ZBTB7C: variants seen among roughly 807,000 people sequenced by gnomAD.
The protein encoded by ZBTB7C is zinc finger and BTB domain-containing protein 7C.
Under a neutral mutation model 25.7 loss-of-function variants are expected in ZBTB7C, and 8 were observed. That is an observed-to-expected ratio of 0.31 (90% CI 0.18 to 0.56). The LOEUF is 0.56. Ranked by LOEUF, ZBTB7C falls within the 20% of genes least tolerant of loss-of-function variation. ZBTB7C has a pLI of 0.91. For missense variants in ZBTB7C, 824 were observed against 855.2 expected (o/e 0.96, Z 0.46); for synonymous variants, 394 against 369.0 (o/e 1.07, Z -0.78).
intron 3 of ZBTB7C, among the ~76,000 whole-genome samples, chr18:48,110,522 C>T (rs965249964): frequency 2.1e-4 from 32 of 152,226 alleles, no homozygotes; most frequent in Non-Finnish European, 3.7e-4. Context: ...GGCGGTTCCT[C>T]GCTGTCAGGC....
At chr18:48,405,292 G>A (rs2048254412) in intron 1 of ZBTB7C, among the ~76,000 whole-genome samples, 1 of 151,804 alleles carries the variant, frequency 6.6e-6, no homozygotes, top group Non-Finnish European at 1.5e-5. Context: ...GTCAGGGGAG[G>A]AGGCAAAGAG....
chr18:48,092,641 A>G (rs1369865256), intron 3 of ZBTB7C, among the ~76,000 whole-genome samples: 1 of 152,204 alleles, frequency 6.6e-6, no homozygotes, highest in Non-Finnish European at 1.5e-5. Context: ...TCTAGAAACC[A>G]CAGAAGAGTC....
At position 48,029,252 on chromosome 18, in the gene ZBTB7C, G is replaced by C; in HGVS notation, c.*8C>G. The stretch of plus-strand genomic sequence containing the variant: ...AGGGCTGGTGGGCTGGAGCCGACAG[G>C]GACCAGCCTAGTTGTTGGCTTCGGA... On this transcript the variant is annotated 3_prime_UTR_variant, in exon 5 of 5. Coordinates refer to ENST00000590800, the MANE Select transcript of ZBTB7C (RefSeq NM_001318841.2). The C allele has an allele frequency of 6.5e-7, 1 of 1,534,652 alleles. No homozygotes were observed. Among genetic ancestry groups the C allele is most frequent in the Non-Finnish European group, 8.7e-7 (1 of 1,148,386 alleles).
intron 1 of ZBTB7C, among the ~76,000 whole-genome samples, chr18:48,395,235 T>C (rs1013776687): frequency 1.3e-5 from 2 of 151,414 alleles, no homozygotes; most frequent in African/African-American, 2.4e-5. Flanking sequence ...TTTTCATCCA[T>C]GATCTCGTTT....
At chr18:48,166,645 G>C (rs553235423) in intron 3 of ZBTB7C, among the ~76,000 whole-genome samples, 4 of 152,310 alleles carry the variant, frequency 2.6e-5, no homozygotes, top group Admixed American at 2.0e-4. Flanking sequence ...GAAGCAGCAT[G>C]TTAGGGGGCA....
chr18:48,344,232 C>G (rs2046673037), intron 1 of ZBTB7C, among the ~76,000 whole-genome samples: 1 of 152,214 alleles, frequency 6.6e-6, no homozygotes, highest in Non-Finnish European at 1.5e-5. Context: ...GATCCACCCA[C>G]CTCAGCCTCC....
intron 3 of ZBTB7C, among the ~76,000 whole-genome samples, chr18:48,141,840 A>G (rs1049183221): frequency 6.6e-6 from 1 of 152,204 alleles, no homozygotes; most frequent in Non-Finnish European, 1.5e-5. Context: ...TTCCTGTCCA[A>G]TCACAGGCTA....
At chr18:48,371,567 G>C (rs2047388493) in intron 1 of ZBTB7C, among the ~76,000 whole-genome samples, 1 of 152,194 alleles carries the variant, frequency 6.6e-6, no homozygotes, top group African/African-American at 2.4e-5. Context: ...CCTGCCAATG[G>C]GCAGGATAAC....
chr18:48,304,611 G>A (rs12954517), intron 2 of ZBTB7C, among the ~76,000 whole-genome samples: 5,241 of 152,282 alleles, frequency 0.034, 118 homozygotes, highest in Non-Finnish European at 0.052. Flanking sequence ...GGCAGCGGAG[G>A]TTGCAGTGAG....
chr18:48,331,188 T>G (rs2046335408), intron 2 of ZBTB7C, among the ~76,000 whole-genome samples: 1 of 152,184 alleles, frequency 6.6e-6, no homozygotes, highest in Middle Eastern at 3.2e-3. Flanking sequence ...CCCACCTCTG[T>G]GTCTTAGACG....
At chr18:48,167,507 CCTAA>C (rs768907414) in intron 3 of ZBTB7C, among the ~76,000 whole-genome samples, 23 of 151,396 alleles carry the variant, frequency 1.5e-4, no homozygotes, top group Non-Finnish European at 2.6e-4. Flanking sequence ...TCAGCACAGA[CCTAA>C]CACTTGAGTT....
intron 2 of ZBTB7C, among the ~76,000 whole-genome samples, chr18:48,257,642 C>T (rs1180083303): frequency 1.3e-5 from 2 of 151,940 alleles, no homozygotes; most frequent in Admixed American, 6.6e-5. Flanking sequence ...GAACAAGATA[C>T]AGAAATTGTA....
At chr18:48,378,134 G>A (rs947853194) in intron 1 of ZBTB7C, among the ~76,000 whole-genome samples, 45 of 151,888 alleles carry the variant, frequency 3.0e-4, no homozygotes, top group African/African-American at 1.1e-3. Context: ...GTGAAACTCC[G>A]TTTCAAAAAA....
At position 48,225,996 on chromosome 18, in the gene ZBTB7C, G is replaced by A. The variant is rs115742062; in HGVS notation, c.-78-40001C>T. On this transcript the variant is annotated intron_variant, in intron 2 of 4. Transcript: ENST00000590800. ...GACCTCGCGATCCACCCGCTTTGGC[G>A]TCCCAAAGTGCTGGCATTACAGGCA... is the stretch of plus-strand genomic sequence containing the variant. 6.8e-3 allele frequency among the ~76,000 whole-genome samples: 1,030 copies of A among 152,204 alleles called. 13 individuals carry two copies. The highest frequency in any genetic ancestry group is 0.023 in the African/African-American group (973 of 41,514).
Position 48,040,249 on chromosome 18 carries a change from G to C in ZBTB7C, c.859C>G (p.Arg287Gly). ...TCCTTCTCCTCCTCCTTGATCTTCC[G>C]ATTCTTGATGACCAGATCCAGTGGC... ...SGPLDLVIKN[R>G]KIKEEEKEEL... The change falls in exon 4 of 5, where the codon CGG becomes GGG. Residue 287 changes from arginine to glycine, a missense_variant. Arg to Gly is a moderately radical substitution (Grantham distance 125). Transcript: ENST00000590800. 1 of 1,561,860 alleles carries C rather than the reference G, an allele frequency of 6.4e-7. No homozygotes were observed.
chr18:48,237,989 C>T (rs377188329), intron 2 of ZBTB7C, among the ~76,000 whole-genome samples: 7 of 152,132 alleles, frequency 4.6e-5, no homozygotes, highest in East Asian at 1.9e-4. Context: ...AAACATATGA[C>T]CTAAAATAAT....
intron 2 of ZBTB7C, among the ~76,000 whole-genome samples, chr18:48,251,408 T>C (rs1007912981): frequency 2.0e-5 from 3 of 152,166 alleles, no homozygotes; most frequent in African/African-American, 7.2e-5. Context: ...AGAAATGATT[T>C]AGGCAGATAG....
At chr18:48,099,585 G>A (rs552268817) in intron 3 of ZBTB7C, among the ~76,000 whole-genome samples, 2 of 152,356 alleles carry the variant, frequency 1.3e-5, no homozygotes, top group East Asian at 3.9e-4. Flanking sequence ...GCGTGTGAGA[G>A]GTTGCAGGGA....
chr18:48,211,135 T>C (rs986475533), intron 2 of ZBTB7C, among the ~76,000 whole-genome samples: 25 of 152,264 alleles, frequency 1.6e-4, no homozygotes, highest in African/African-American at 6.0e-4. Flanking sequence ...TGTATATCCA[T>C]ATGCAAAAAA....
Sources: gnomAD v4.1 joint callset for allele counts (sites outside exome capture counted in the v4.1 genomes callset) on GRCh38, gnomAD v4.1.1 for gene constraint, MANE v1.5 for transcripts, NCBI Gene and HGNC (gene_info 2026-07-23, HGNC 2026-07-21) for gene names.